FSTL5: variants seen among roughly 807,000 people sequenced by gnomAD.
The protein encoded by FSTL5 is follistatin like 5.
FSTL5 carries 62 observed loss-of-function variants against 89.1 expected under a neutral mutation model. The observed-to-expected ratio is 0.70, with a 90% CI of 0.57 to 0.86. The LOEUF (loss-of-function observed/expected upper bound fraction) is 0.86. FSTL5 is among the 40% of genes least tolerant of loss of function. The pLI, the probability that FSTL5 is intolerant of heterozygous loss-of-function variation, is 0.00. For missense variants in FSTL5, 1,057 were observed against 1,001.6 expected (o/e 1.06, Z -0.75); for synonymous variants, 383 against 346.2 (o/e 1.11, Z -1.18).
intron 10 of FSTL5, among the ~76,000 whole-genome samples, chr4:161,536,598 G>A (rs1225680365): frequency 2.0e-5 from 3 of 151,990 alleles, no homozygotes; most frequent in Non-Finnish European, 1.5e-5. Context: ...TTAATTACAT[G>A]CATGATTATT....
chr4:161,877,505 T>TC (rs1732485168), intron 4 of FSTL5, among the ~76,000 whole-genome samples: 1 of 151,584 alleles, frequency 6.6e-6, no homozygotes, highest in Admixed American at 6.6e-5. Context: ...GTTCACAATT[T>TC]TAAAAAAACT....
intron 5 of FSTL5, among the ~76,000 whole-genome samples, chr4:161,761,534 G>A (rs1378640951): frequency 6.6e-6 from 1 of 152,074 alleles, no homozygotes; most frequent in African/African-American, 2.4e-5. Context: ...ACAAAGATGG[G>A]GAAAAGCTTT....
At chr4:162,113,998 G>A (rs1198719460) in intron 1 of FSTL5, among the ~76,000 whole-genome samples, 1 of 151,960 alleles carries the variant, frequency 6.6e-6, no homozygotes, top group African/African-American at 2.4e-5. Context: ...ACATCACCTG[G>A]GCCTAGCAAA....
chr4:162,104,120 C>G (rs575641575), intron 2 of FSTL5, among the ~76,000 whole-genome samples: 1 of 152,352 alleles, frequency 6.6e-6, no homozygotes, highest in East Asian at 1.9e-4. Context: ...ACTTCCATCC[C>G]TCCGGATCCA....
At chr4:161,429,578 A>C (rs534274898) in intron 15 of FSTL5, among the ~76,000 whole-genome samples, 2 of 152,292 alleles carry the variant, frequency 1.3e-5, no homozygotes, top group East Asian at 3.9e-4. Context: ...TAATCAGATA[A>C]TTCTTCAGGA....
intron 2 of FSTL5, among the ~76,000 whole-genome samples, chr4:162,042,952 G>C (rs998729518): frequency 1.8e-5 from 2 of 112,592 alleles, no homozygotes; most frequent in African/African-American, 6.8e-5. Flanking sequence ...GTTGTGGGGT[G>C]GGGGGAGGGG....
At chr4:161,857,287 A>G (rs1237572710) in intron 4 of FSTL5, among the ~76,000 whole-genome samples, 3 of 152,130 alleles carry the variant, frequency 2.0e-5, no homozygotes, top group South Asian at 2.1e-4. Context: ...TGACTAATGT[A>G]TCTGCTGACA....
chr4:162,050,835 T>C (rs1383247000), intron 2 of FSTL5, among the ~76,000 whole-genome samples: 1 of 151,356 alleles, frequency 6.6e-6, no homozygotes, highest in East Asian at 1.9e-4. Context: ...GTTAATAAAT[T>C]AATAAAGAGA....
chr4:161,670,667 C>T lies in FSTL5; in HGVS notation c.728-14173G>A, dbSNP rs937953679. Among the ~76,000 whole-genome samples the T allele has an allele frequency of 4.6e-5, 7 of 152,202 alleles. No individual in the cohort carries two copies. The South Asian group carries it at 1.4e-3, about 31-fold the overall frequency. On this transcript the variant is annotated intron_variant, in intron 6 of 15. Coordinates refer to ENST00000306100, the MANE Select transcript of FSTL5 (RefSeq NM_020116.5). ...AACTAGGATCCAGAGAATTTGCCTT[C>T]ACTACGAAGTTTTACAGTGAGTGTC... is the stretch of plus-strand genomic sequence containing the variant.
Position 161,975,253 on chromosome 4 carries a change from G to C in FSTL5, c.161-54601C>G, listed in dbSNP as rs529391670. On this transcript the variant is annotated intron_variant, in intron 3 of 15. Transcript: ENST00000306100. ...TTTGACCCAGCCATCCCATTACTGG[G>C]TATATACCCAAAGGACTATAAATCA... Among the ~76,000 whole-genome samples the C allele has an allele frequency of 4.9e-4, 71 of 144,686 alleles. 1 individual carries two copies. Among genetic ancestry groups the C allele is most frequent in the South Asian group, 2.0e-3 (9 of 4,446 alleles). 94.9% of individuals were successfully genotyped at this position (144,686 alleles called of 152,430 possible). A position where few individuals can be genotyped will look rare whatever the true frequency, so the allele number is the denominator to read the frequency against.
At chr4:161,636,291 T>C (rs550658906) in intron 7 of FSTL5, among the ~76,000 whole-genome samples, 465 of 152,222 alleles carry the variant, frequency 3.1e-3, no homozygotes, top group Non-Finnish European at 5.3e-3. Context: ...ATTTTGAGTT[T>C]GAGTCAAACT....
chr4:161,806,772 G>T (rs1358547584), intron 4 of FSTL5, among the ~76,000 whole-genome samples: 2 of 152,082 alleles, frequency 1.3e-5, no homozygotes, highest in Non-Finnish European at 2.9e-5. Flanking sequence ...AATAATAATA[G>T]AGATAGATAG....
At chr4:162,049,483 T>C (rs1337395133) in intron 2 of FSTL5, among the ~76,000 whole-genome samples, 1 of 152,150 alleles carries the variant, frequency 6.6e-6, no homozygotes, top group African/African-American at 2.4e-5. Context: ...ATCTTCACAA[T>C]ATAGTTTGTT....
At chr4:161,725,629 G>A (rs959574035) in intron 6 of FSTL5, among the ~76,000 whole-genome samples, 16 of 152,038 alleles carry the variant, frequency 1.1e-4, no homozygotes, top group African/African-American at 3.9e-4. Context: ...CAGTGCATCT[G>A]TAAAAAGACA....
At chr4:161,432,597 G>A (rs1026921548) in intron 15 of FSTL5, among the ~76,000 whole-genome samples, 1 of 151,294 alleles carries the variant, frequency 6.6e-6, no homozygotes, top group Non-Finnish European at 1.5e-5. Context: ...AAAGATCAGA[G>A]CAGAAGTAAA....
chr4:161,544,498 A>C (rs919524029), intron 8 of FSTL5, among the ~76,000 whole-genome samples: 20 of 151,936 alleles, frequency 1.3e-4, no homozygotes, highest in African/African-American at 4.8e-4. Flanking sequence ...ATGAGAAATG[A>C]CTGCTTAATG....
intron 6 of FSTL5, among the ~76,000 whole-genome samples, chr4:161,687,470 T>C (rs1737786412): frequency 6.6e-6 from 1 of 152,248 alleles, no homozygotes; most frequent in African/African-American, 2.4e-5. Flanking sequence ...GTTTTTTGCA[T>C]AACTACCTTA....
intron 9 of FSTL5, among the ~76,000 whole-genome samples, chr4:161,541,590 A>G (rs1249201369): frequency 6.6e-6 from 1 of 152,046 alleles, no homozygotes; most frequent in Non-Finnish European, 1.5e-5. Context: ...ACATGTCTCT[A>G]TTGACTTGCA....
intron 15 of FSTL5, among the ~76,000 whole-genome samples, chr4:161,395,220 GATATA>G (rs1217607482): frequency 6.6e-6 from 1 of 151,970 alleles, no homozygotes; most frequent in African/African-American, 2.4e-5. Flanking sequence ...GGGCAAAGAT[GATATA>G]ATAGAATATA....
Sources: allele counts gnomAD v4.1 joint callset (sites outside exome capture counted in the v4.1 genomes callset), GRCh38; gene constraint gnomAD v4.1.1; transcripts MANE v1.5; gene names NCBI Gene and HGNC (gene_info 2026-07-23, HGNC 2026-07-21).